The following PRCP variants were observed in gnomAD, a reference collection of about 807,000 sequenced individuals.
The protein encoded by PRCP is prolylcarboxypeptidase.
PRCP carries 46 observed loss-of-function variants against 54.2 expected under a neutral mutation model. The ratio of observed to expected loss-of-function variants is 0.85; its 90% CI spans 0.67 to 1.09. PRCP has a LOEUF of 1.09. PRCP is among the 50% of genes least tolerant of loss of function. PRCP has a pLI of 0.00. For missense variants in PRCP, 613 were observed against 596.8 expected (o/e 1.03, Z -0.28); for synonymous variants, 240 against 212.2 (o/e 1.13, Z -1.14).
At chr11:82,869,430 T>C (rs1439951485) in intron 1 of PRCP, among the ~76,000 whole-genome samples, 1 of 130,532 alleles carries the variant, frequency 7.7e-6, no homozygotes, top group East Asian at 2.2e-4. Flanking sequence ...AAGAAAGCGG[T>C]ATAGAGAGAC....
intron 7 of PRCP, among the ~76,000 whole-genome samples, chr11:82,838,778 A>G (rs1208446883): frequency 6.6e-6 from 1 of 152,222 alleles, no homozygotes; most frequent in East Asian, 1.9e-4. Flanking sequence ...CACGGAAGTC[A>G]GGATTATGTC....
chr11:82,860,141 A>G lies in PRCP; in HGVS notation c.169-24T>C, dbSNP rs199882795. 3.6e-5 allele frequency: 52 copies of G among 1,425,420 alleles called. No homozygotes were observed. In the Middle Eastern group the frequency reaches 5.5e-4, roughly 15 times the overall value. The allele number at this position is 1,425,420 out of a possible 1,614,324, so 88.3% of individuals were successfully genotyped here. On this transcript the variant is annotated intron_variant, in intron 1 of 8. Transcript: ENST00000313010. The stretch of plus-strand genomic sequence containing the variant: ...ACCTGTGATAAAAACAAAACAAAAC[A>G]TATTTCAAAGGAAAGTAATAAAATG...
At chr11:82,899,728 T>C (rs1200868700) in intron 1 of PRCP, among the ~76,000 whole-genome samples, 1 of 152,180 alleles carries the variant, frequency 6.6e-6, no homozygotes, top group East Asian at 1.9e-4. Flanking sequence ...TGTCAACAAT[T>C]CTTAATAATA....
upstream of PRCP, chr11:82,900,535 G>T: frequency 3.1e-6 from 4 of 1,294,252 alleles, no homozygotes; most frequent in Non-Finnish European, 3.2e-6. Context: ...CCCAAAGCCA[G>T]CCAGCTCCTC....
intron 8 of PRCP, chr11:82,826,079 C>T (rs1034860893): frequency 6.6e-5 from 10 of 152,306 alleles, no homozygotes; most frequent in African/African-American, 1.9e-4. Context: ...AGAACACTTT[C>T]GTCACCCCAA....
intron 8 of PRCP, chr11:82,836,955 G>T: frequency 2.9e-6 from 1 of 347,754 alleles, no homozygotes; most frequent in Non-Finnish European, 5.7e-6. Flanking sequence ...GTCTTGAGGA[G>T]ATATATCAAG....
At chr11:82,836,122 G>C (rs891353066) in intron 8 of PRCP, 1 of 165,612 alleles carries the variant, frequency 6.0e-6, no homozygotes, top group Non-Finnish European at 1.3e-5. Flanking sequence ...GAACCCAGGA[G>C]GCGGAGGTTG....
chr11:82,891,013 T>G (rs1283571650), intron 1 of PRCP, among the ~76,000 whole-genome samples: 2 of 152,214 alleles, frequency 1.3e-5, no homozygotes, highest in Non-Finnish European at 2.9e-5. Flanking sequence ...TCTTCCAATC[T>G]CATGGTTTTA....
chr11:82,863,533 A>C (rs1319575746), intron 1 of PRCP, among the ~76,000 whole-genome samples: 1 of 152,190 alleles, frequency 6.6e-6, no homozygotes, highest in Non-Finnish European at 1.5e-5. Flanking sequence ...TCTTGAAGAT[A>C]ATTTTGCCCT....
intron 1 of PRCP, among the ~76,000 whole-genome samples, chr11:82,866,362 A>G (rs577027815): frequency 6.6e-6 from 1 of 152,320 alleles, no homozygotes; most frequent in East Asian, 1.9e-4. Context: ...CTTAACAAAA[A>G]GGGTGGAAGT....
chr11:82,886,685 G>C (rs2121257066), intron 1 of PRCP, among the ~76,000 whole-genome samples: 1 of 152,298 alleles, frequency 6.6e-6, no homozygotes, highest in South Asian at 2.1e-4. Flanking sequence ...GACAGAGCCA[G>C]GTTTAAATCC....
At chr11:82,832,776 C>T (rs1858419843) in intron 8 of PRCP, among the ~76,000 whole-genome samples, 1 of 152,166 alleles carries the variant, frequency 6.6e-6, no homozygotes, top group Admixed American at 6.5e-5. Flanking sequence ...GAAGTCTTTG[C>T]CCATGTCTAT....
At chr11:82,881,966 T>C (rs1241343657) in intron 1 of PRCP, among the ~76,000 whole-genome samples, 1 of 152,238 alleles carries the variant, frequency 6.6e-6, no homozygotes, top group African/African-American at 2.4e-5. Context: ...ACATATTTTG[T>C]ATATGTATTA....
chr11:82,863,674 C>T (rs748286827), intron 1 of PRCP, among the ~76,000 whole-genome samples: 5 of 152,134 alleles, frequency 3.3e-5, no homozygotes, highest in Admixed American at 1.3e-4. Flanking sequence ...GATTTGAAAA[C>T]ATGGGTATGT....
chr11:82,839,301 G>A lies in PRCP; in HGVS notation c.1046C>T (p.Thr349Ile), dbSNP rs1565219093. 6.2e-7 allele frequency: 1 copy of A among 1,613,962 alleles called. No individual in the cohort carries two copies. Among genetic ancestry groups the A allele is most frequent in the Non-Finnish European group, 8.5e-7 (1 of 1,179,964 alleles). ...GQVKCLNISETATSSLGTLGW... is the reference protein window; with the variant it reads ...GQVKCLNISEIATSSLGTLGW... ...CAGTGTTCCCAGACTGCTAGTTGCT[G>A]TCTCTGAAATATTCAGGCATTTCAC... The change falls in exon 7 of 9, where the codon ACA becomes ATA. Residue 349 changes from threonine (T) to isoleucine (I), a missense_variant. Physicochemically the swap from Thr to Ile is moderately conservative, Grantham distance 89. Coordinates refer to ENST00000313010, the MANE Select transcript of PRCP (RefSeq NM_005040.4).
At chr11:82,854,912 G>A (rs1311817737) in intron 2 of PRCP, among the ~76,000 whole-genome samples, 1 of 152,100 alleles carries the variant, frequency 6.6e-6, no homozygotes, top group Non-Finnish European at 1.5e-5. Context: ...ACAATAACAA[G>A]CAATGGGAAA....
chr11:82,835,197 T>G (rs1471792331), intron 8 of PRCP, among the ~76,000 whole-genome samples: 1 of 152,204 alleles, frequency 6.6e-6, no homozygotes, highest in African/African-American at 2.4e-5. Context: ...TACCCCAGAA[T>G]TTAAAAATTA....
chr11:82,880,418 A>C (rs1043454391), intron 1 of PRCP, among the ~76,000 whole-genome samples: 1 of 152,106 alleles, frequency 6.6e-6, no homozygotes, highest in African/African-American at 2.4e-5. Context: ...GGAGTGTCCC[A>C]ATTTTCCAGG....
rs1389727762 is a variant in PRCP at position 82,825,082 on chromosome 11, T to C, written c.1315A>G (p.Lys439Glu). The change falls in exon 9 of 9, where the codon AAG (lysine) becomes GAG (glutamate). Residue 439 changes from lysine to glutamate, a missense_variant. By Grantham distance (56) the Lys-to-Glu change is moderately conservative. Transcript: ENST00000313010. ...LDPWSGGGVTKDITDTLVAVT... is the reference protein window; with the variant it reads ...LDPWSGGGVTEDITDTLVAVT... ...GCAACCAGAGTGTCTGTGATATCCT[T>C]AGTTACTCCACCTCCTGACCAGGGG... is the stretch of plus-strand genomic sequence containing the variant. 1 of 1,613,870 alleles carries C rather than the reference T, an allele frequency of 6.2e-7. No individual in the cohort carries two copies. Among genetic ancestry groups the C allele is most frequent in the Admixed American group, 1.7e-5 (1 of 59,960 alleles).
Sources: allele counts gnomAD v4.1 joint callset (sites outside exome capture counted in the v4.1 genomes callset), GRCh38; gene constraint gnomAD v4.1.1; transcripts MANE v1.5; gene names NCBI Gene and HGNC (gene_info 2026-07-23, HGNC 2026-07-21).